The following CTBP2 variants were observed in gnomAD, a reference collection of about 807,000 sequenced individuals.
The protein encoded by CTBP2 is C-terminal-binding protein 2.
CTBP2 carries 30 observed loss-of-function variants against 80.3 expected under a neutral mutation model. That is an observed-to-expected ratio of 0.37 (90% CI 0.28 to 0.51). The LOEUF (loss-of-function observed/expected upper bound fraction) is 0.51. Among genes scored for constraint, CTBP2 ranks in the 20% least tolerant of loss-of-function variants. The pLI, the probability that CTBP2 is intolerant of heterozygous loss-of-function variation, is 0.93. For missense variants in CTBP2, 1,212 were observed against 1,375.3 expected, an observed-to-expected ratio of 0.88 and a Z score of 1.88; for synonymous variants, 594 against 587.4, an observed-to-expected ratio of 1.01 and a Z score of -0.16.
At chr10:125,015,852 CG>C (rs1169944248) in intron 1 of CTBP2, among the ~76,000 whole-genome samples, 1 of 152,210 alleles carries the variant, frequency 6.6e-6, no homozygotes, top group African/African-American at 2.4e-5. Flanking sequence ...CACACTCACT[CG>C]CCGGCCGCAC....
intron 2 of CTBP2, among the ~76,000 whole-genome samples, chr10:125,098,704 GAGAC>G (rs1486519465): frequency 0.025 from 3,205 of 129,452 alleles, 130 homozygotes; most frequent in African/African-American, 0.044. Context: ...GAGAGAGAGA[GAGAC>G]AGAGAGAGAG....
chr10:125,096,717 A>G (rs1849597223), intron 2 of CTBP2, among the ~76,000 whole-genome samples: 2 of 148,646 alleles, frequency 1.3e-5, no homozygotes, highest in Non-Finnish European at 1.5e-5. Context: ...AAGAAATACA[A>G]AAGTCTACAC....
intron 1 of CTBP2, among the ~76,000 whole-genome samples, chr10:125,159,421 C>G (rs1328762630): frequency 6.9e-6 from 1 of 145,088 alleles, no homozygotes; most frequent in East Asian, 2.0e-4. Flanking sequence ...CGGCCCCCGC[C>G]CGCGCCCGCC....
chr10:125,052,384 G>A (rs937201238), intron 2 of CTBP2, among the ~76,000 whole-genome samples: 5 of 152,240 alleles, frequency 3.3e-5, no homozygotes, highest in South Asian at 2.1e-4. Context: ...CCCACAACAC[G>A]CAGGGAGCAG....
intron 1 of CTBP2, among the ~76,000 whole-genome samples, chr10:125,131,233 A>G (rs1176472893): frequency 6.6e-6 from 1 of 152,160 alleles, no homozygotes; most frequent in East Asian, 1.9e-4. Context: ...AGTCACTCAC[A>G]TTCCCAGAAG....
At chr10:125,002,070 C>T (rs978891253) in intron 3 of CTBP2, among the ~76,000 whole-genome samples, 6 of 152,206 alleles carry the variant, frequency 3.9e-5, no homozygotes, top group African/African-American at 1.4e-4. Flanking sequence ...TGGGCTATTC[C>T]TGGAGCACAG....
At chr10:125,014,593 C>T (rs1311066825) in intron 1 of CTBP2, among the ~76,000 whole-genome samples, 2 of 152,388 alleles carry the variant, frequency 1.3e-5, no homozygotes, top group East Asian at 1.9e-4. Flanking sequence ...AACCTCTTGG[C>T]GGCCTCCTGG....
chr10:125,145,503 G>A (rs1858602971), intron 1 of CTBP2, among the ~76,000 whole-genome samples: 1 of 152,216 alleles, frequency 6.6e-6, no homozygotes, highest in South Asian at 2.1e-4. Context: ...GCAGGGTAGG[G>A]CAGGGCACGG....
chr10:125,007,542 G>A (rs1210206863), intron 1 of CTBP2, among the ~76,000 whole-genome samples: 5 of 152,118 alleles, frequency 3.3e-5, no homozygotes, highest in African/African-American at 1.2e-4. Context: ...GAGGATGGCG[G>A]AAGGATCCGG....
intron 2 of CTBP2, among the ~76,000 whole-genome samples, chr10:125,106,172 A>G (rs1851419004): frequency 1.3e-5 from 2 of 152,208 alleles, no homozygotes; most frequent in African/African-American, 4.8e-5. Context: ...TTCTCTGCAC[A>G]CTGCCACACT....
Position 125,075,161 on chromosome 10 carries a change from A to G in CTBP2, c.-102+35829T>C, listed in dbSNP as rs139315540. On this transcript the variant is annotated intron_variant, in intron 2 of 10. Coordinates refer to the CTBP2 transcript ENST00000337195. ...TGCTCATCAAAAAGATTATAGAGTG[A>G]CAATACAAAGTAAGAACATATTTCA... 8.2e-3 allele frequency among the ~76,000 whole-genome samples: 1,246 copies of G among 152,356 alleles called. 34 individuals are homozygous for G. Among genetic ancestry groups the G allele is most frequent in the Non-Finnish European group, 5.8e-3 (397 of 68,028 alleles).
intron 1 of CTBP2, among the ~76,000 whole-genome samples, chr10:125,007,740 T>C (rs1955422543): frequency 6.6e-6 from 1 of 152,208 alleles, no homozygotes; most frequent in African/African-American, 2.4e-5. Flanking sequence ...GAGACCCATT[T>C]TCCAGTCTTC....
intron 1 of CTBP2, chr10:125,122,654 C>T (rs1219204928): frequency 3.3e-5 from 5 of 152,262 alleles, no homozygotes; most frequent in African/African-American, 9.7e-5. Context: ...GAACAAAACT[C>T]ACAAGGTGAA....
At chr10:125,135,099 C>A (rs549546357) in intron 1 of CTBP2, among the ~76,000 whole-genome samples, 1 of 152,110 alleles carries the variant, frequency 6.6e-6, no homozygotes, top group African/African-American at 2.4e-5. Flanking sequence ...AGGGGAGCCC[C>A]TTCTTGATCC....
intron 2 of CTBP2, among the ~76,000 whole-genome samples, chr10:125,106,952 C>A (rs1220347873): frequency 1.3e-5 from 2 of 152,206 alleles, no homozygotes; most frequent in African/African-American, 4.8e-5. Context: ...GGGGAATGGA[C>A]GGGGTGATCT....
At chr10:125,009,905 T>C (rs573065462) in intron 1 of CTBP2, among the ~76,000 whole-genome samples, 22 of 152,306 alleles carry the variant, frequency 1.4e-4, no homozygotes, top group Middle Eastern at 3.4e-3. Context: ...TTTGTAAACA[T>C]GTTTAACCAT....
intron 2 of CTBP2, among the ~76,000 whole-genome samples, chr10:125,063,128 G>T (rs1844072963): frequency 6.6e-6 from 1 of 152,244 alleles, no homozygotes; most frequent in African/African-American, 2.4e-5. Context: ...CCGCAACTGT[G>T]TGCTGTGCTA....
chr10:125,091,341 A>G (rs958198977), intron 2 of CTBP2, among the ~76,000 whole-genome samples: 1 of 152,120 alleles, frequency 6.6e-6, no homozygotes, highest in Non-Finnish European at 1.5e-5. Context: ...GGCAAGGAGA[A>G]AGACAGTATC....
At chr10:125,051,513 A>C (rs1001031039) in intron 2 of CTBP2, among the ~76,000 whole-genome samples, 2 of 151,998 alleles carry the variant, frequency 1.3e-5, no homozygotes, top group Non-Finnish European at 2.9e-5. Flanking sequence ...GGTGGTGGGC[A>C]CCTGTAATCC....
Sources: gnomAD v4.1 joint callset for allele counts (sites outside exome capture counted in the v4.1 genomes callset) on GRCh38, gnomAD v4.1.1 for gene constraint, MANE v1.5 for transcripts, NCBI Gene and HGNC (gene_info 2026-07-23, HGNC 2026-07-21) for gene names.